ATP13A5: variants seen among roughly 807,000 people sequenced by gnomAD.
ATP13A5 encodes probable cation-transporting ATPase 13A5.
A neutral mutation model predicts 150.2 loss-of-function variants in ATP13A5; 149 were observed. The observed-to-expected ratio is 0.99, with a 90% CI of 0.87 to 1.14. The LOEUF (loss-of-function observed/expected upper bound fraction) is 1.14, where lower values mean the gene tolerates loss of function less well. Among genes scored for constraint, ATP13A5 ranks in the 50% most tolerant of loss-of-function variants. The probability of loss-of-function intolerance (pLI) is 0.00; values close to 1 mark genes in which losing one functional copy is unlikely to be tolerated. For synonymous variants in ATP13A5, 497 were observed against 522.2 expected (o/e 0.95, Z 0.66); for missense variants, 1,383 against 1,449.3 (o/e 0.95, Z 0.74).
intron 9 of ATP13A5, among the ~76,000 whole-genome samples, chr3:193,342,249 A>G (rs561284409): frequency 6.6e-6 from 1 of 152,224 alleles, no homozygotes; most frequent in Non-Finnish European, 1.5e-5. Context: ...CATTTCGTAC[A>G]TAGGGAAGAA....
intron 17 of ATP13A5, among the ~76,000 whole-genome samples, chr3:193,315,722 G>A (rs1719024222): frequency 6.6e-6 from 1 of 152,038 alleles, no homozygotes; most frequent in Non-Finnish European, 1.5e-5. Flanking sequence ...ACTCTTTTTT[G>A]ATCTTTGTTC....
intron 7 of ATP13A5, among the ~76,000 whole-genome samples, 190 bp downstream of exon 7, chr3:193,350,877 A>C (rs563230274): frequency 1.3e-5 from 2 of 152,276 alleles, no homozygotes; most frequent in South Asian, 4.1e-4. Flanking sequence ...TGATAATCAG[A>C]GTTTGCAAAG....
rs149554375 is a variant in ATP13A5 at position 193,331,267 on chromosome 3, G to A, written c.1317C>T (p.Thr439=). The A allele has an allele frequency of 2.7e-4, 438 of 1,613,924 alleles. 2 individuals carry two copies. In the African/African-American group the frequency reaches 5.2e-3, roughly 19 times the overall value. The change falls in exon 12 of 30, where the codon ACC becomes ACT. Residue 439 remains threonine, a synonymous_variant. Transcript: ENST00000342358. ...DTVTMALILL[T]VTVPPVLPAA... ...CTGGCAGCACTGGAGGGACAGTCAC[G>A]GTGAGGAGGATCAGGGCCATGGTCA...
intron 7 of ATP13A5, among the ~76,000 whole-genome samples, chr3:193,348,014 T>C (rs1009636567): frequency 1.3e-5 from 2 of 152,216 alleles, no homozygotes; most frequent in Non-Finnish European, 2.9e-5. Flanking sequence ...TAGTAGGCCC[T>C]TGTCAAATAT....
In ATP13A5 at chr3:193,305,634, G is replaced by A; in HGVS notation, c.2603C>T (p.Ser868Leu). 6.2e-7 allele frequency: 1 copy of A among 1,613,954 alleles called. No individual in the cohort carries two copies. Among genetic ancestry groups the A allele is most frequent in the East Asian group, 2.2e-5 (1 of 44,872 alleles). Residue 868 changes from serine (S) to leucine (L), a missense_variant, in exon 23 of 30, where the codon TCA becomes TTA. Physicochemically the swap from Ser to Leu is moderately radical, Grantham distance 145. Around this residue, in one of 3 missense-constraint regions of ATP13A5, gnomAD observed 568 missense variants for 621.5 expected, o/e 0.91. Transcript: ENST00000342358. ...GGATGCCACAGATGCTTCCTGCTCT[G>A]ATAATGAAATGCCTGCATGAGCCGC... ...LKAAHAGISL[S>L]EQEASVASPF...
chr3:193,289,676 C>T (rs1385589246), intron 26 of ATP13A5, among the ~76,000 whole-genome samples: 1 of 152,112 alleles, frequency 6.6e-6, no homozygotes, highest in Non-Finnish European at 1.5e-5. Flanking sequence ...TAGATCTATA[C>T]ATTAACAACC....
At chr3:193,336,954 T>C (rs1184771913) in intron 9 of ATP13A5, among the ~76,000 whole-genome samples, 1 of 152,168 alleles carries the variant, frequency 6.6e-6, no homozygotes, top group African/African-American at 2.4e-5. Context: ...TGGTGTCTCA[T>C]TGTGGTTTTG....
In ATP13A5 at chr3:193,305,639, T is replaced by C; in HGVS notation, c.2598A>G (p.Ser866=). 3 of 1,613,936 alleles carry C rather than the reference T, an allele frequency of 1.9e-6. No individual in the cohort carries two copies. The highest frequency in any genetic ancestry group is 2.2e-5 in the South Asian group (2 of 91,064). ...GALKAAHAGI[S]LSEQEASVAS... ...CCACAGATGCTTCCTGCTCTGATAA[T>C]GAAATGCCTGCATGAGCCGCTTTCA... is the stretch of plus-strand genomic sequence containing the variant. The change falls in exon 23 of 30, where the codon TCA becomes TCG. Residue 866 remains serine (S), a synonymous_variant. Coordinates refer to ENST00000342358, the MANE Select transcript of ATP13A5 (RefSeq NM_198505.4).
chr3:193,351,133 T>C lies in ATP13A5; in HGVS notation c.675A>G (p.Glu225=), dbSNP rs200019739. 2.2e-3 allele frequency: 3,486 copies of C among 1,613,842 alleles called. 91 individuals are homozygous for C. In the South Asian group the frequency reaches 0.036, roughly 17 times the overall value. The change falls in exon 7 of 30, where the codon GAA becomes GAG. Residue 225 remains glutamate, a synonymous_variant. Transcript: ENST00000342358. ...TCAAAATGATGATGGCCACAGAGTATTCTATGTAACCTTGAGACAGCCACA... is the reference window on the plus strand; with the variant it reads ...TCAAAATGATGATGGCCACAGAGTACTCTATGTAACCTTGAGACAGCCACA... The part of the protein sequence containing the change: ...LTLWLSQGYI[E]YSVAIIILTV...
At chr3:193,298,429 T>C (rs942790414) in intron 25 of ATP13A5, among the ~76,000 whole-genome samples, 1 of 152,140 alleles carries the variant, frequency 6.6e-6, no homozygotes, top group Non-Finnish European at 1.5e-5. Context: ...AACATATCAG[T>C]TTTATGTACT....
intron 26 of ATP13A5, among the ~76,000 whole-genome samples, chr3:193,287,706 A>G (rs900661011): frequency 3.9e-5 from 6 of 152,178 alleles, no homozygotes; most frequent in Admixed American, 6.6e-5. Flanking sequence ...CTGCTAATAC[A>G]CATCTATTCT....
intron 10 of ATP13A5, among the ~76,000 whole-genome samples, chr3:193,334,703 A>C (rs1444512155): frequency 6.6e-6 from 1 of 152,184 alleles, no homozygotes; most frequent in African/African-American, 2.4e-5. Context: ...TACCTTTGAC[A>C]AATTTTACTT....
intron 15 of ATP13A5, 41 bp downstream of exon 15, chr3:193,322,450 T>C: frequency 6.9e-7 from 1 of 1,439,548 alleles, no homozygotes; most frequent in East Asian, 2.3e-5. Flanking sequence ...TTACCAGTTT[T>C]ATGGGGAAAG....
rs768563055 is a variant in ATP13A5 at position 193,345,023 on chromosome 3, G to A, written c.794C>T (p.Thr265Ile). 1.2e-6 allele frequency: 2 copies of A among 1,613,534 alleles called. No homozygotes were observed. The highest frequency in any genetic ancestry group is 1.1e-5 in the South Asian group (1 of 91,074). ...CTTACCTTTGTCTTTTACAATGATT[G>A]TAACCTGGACTTTGTTGTGGTCCTC... ...LVEDHNKVQVTIIVKDKGLEE... is the reference protein window; with the variant it reads ...LVEDHNKVQVIIIVKDKGLEE... The change falls in exon 8 of 30, where the codon ACA (threonine) becomes ATA (isoleucine). Residue 265 changes from threonine (T) to isoleucine (I), a missense_variant. Thr to Ile is a moderately conservative substitution (Grantham distance 89, BLOSUM62 -1). This residue lies in a region of ATP13A5 where 787 missense variants were observed against 771.9 expected (regional missense o/e 1.02). Transcript: ENST00000342358.
chr3:193,359,210 C>T (rs2108897926), intron 5 of ATP13A5, among the ~76,000 whole-genome samples: 1 of 152,262 alleles, frequency 6.6e-6, no homozygotes, highest in African/African-American at 2.4e-5. Context: ...CCAGCCCTTC[C>T]TTGATCCTTC....
rs768693576 is a variant in ATP13A5 at position 193,285,032 on chromosome 3, AGGAATCAGAG to A, written c.3098_3107del (p.Thr1033MetfsTer5). ...TGGTCTCAAAACTTAAAATTGAACC[AGGAATCAGAG>A]TTGCATTTCCAGTCCAGTTTCTTTC... On this transcript the variant is annotated frameshift_variant, in exon 27 of 30. Transcript: ENST00000342358. LOFTEE classifies it high-confidence loss of function. The A allele has an allele frequency of 1.2e-6, 2 of 1,614,126 alleles. No homozygotes were observed. Among genetic ancestry groups the A allele is most frequent in the Non-Finnish European group, 1.7e-6 (2 of 1,179,970 alleles).
intron 9 of ATP13A5, among the ~76,000 whole-genome samples, chr3:193,339,266 C>G (rs2108880844): frequency 6.6e-6 from 1 of 151,960 alleles, no homozygotes; most frequent in Middle Eastern, 3.4e-3. Context: ...TTATTTCTTG[C>G]CTTCTGCTAG....
In ATP13A5 at chr3:193,363,052, T is replaced by C. The variant is rs542220507; in HGVS notation, c.384+184A>G. On this transcript the variant is annotated intron_variant, in intron 3 of 29. Transcript: ENST00000342358. ...CCTGGGCTCAAGGGATCCGCCCACA[T>C]TGGCCTCCCAAAAGTGCCGGGATTA... Among the ~76,000 whole-genome samples, 15 of 152,280 alleles carry C rather than the reference T, an allele frequency of 9.9e-5. No individual in the cohort carries two copies. The South Asian group carries it at 2.5e-3, about 25-fold the overall frequency.
intron 27 of ATP13A5, 36 bp downstream of exon 27, chr3:193,284,878 A>T (rs1217119232): frequency 5.8e-5 from 89 of 1,536,000 alleles, no homozygotes; most frequent in Non-Finnish European, 7.8e-5. Flanking sequence ...GAATGGGAAA[A>T]TATTCAGAAA....
Sources: allele counts gnomAD v4.1 joint callset (sites outside exome capture counted in the v4.1 genomes callset), GRCh38; gene constraint gnomAD v4.1.1; regional missense constraint gnomAD v4.1.1; transcripts MANE v1.5; gene names NCBI Gene and HGNC (gene_info 2026-07-23, HGNC 2026-07-21).